Variants in MCC observed in about 807,000 individuals in gnomAD.
MCC encodes the protein MCC regulator of Wnt signaling pathway.
Under a neutral mutation model 116.2 loss-of-function variants are expected in MCC, and 90 were observed. That is an observed-to-expected ratio of 0.77 (90% CI 0.65 to 0.92). The LOEUF (loss-of-function observed/expected upper bound fraction) is 0.92. Among genes scored for constraint, MCC ranks in the 40% least tolerant of loss-of-function variants. The probability of loss-of-function intolerance (pLI) is 0.00; values close to 1 mark genes in which losing one functional copy is unlikely to be tolerated. For missense variants in MCC, 1,516 were observed against 1,312.2 expected (o/e 1.16, Z -2.40); for synonymous variants, 578 against 510.5 (o/e 1.13, Z -1.78).
At chr5:113,452,622 C>T (rs1771432303) in intron 1 of MCC, among the ~76,000 whole-genome samples, 1 of 152,176 alleles carries the variant, frequency 6.6e-6, no homozygotes, top group Non-Finnish European at 1.5e-5. Flanking sequence ...TTATAAGCTA[C>T]CTGATTTATG....
chr5:113,205,910 A>T (rs980599740), intron 3 of MCC, among the ~76,000 whole-genome samples: 4 of 152,174 alleles, frequency 2.6e-5, no homozygotes, highest in African/African-American at 9.7e-5. Flanking sequence ...ATTTCTATAG[A>T]AGGCTCCTGA....
intron 5 of MCC, among the ~76,000 whole-genome samples, chr5:113,130,716 C>T (rs1758374986): frequency 6.6e-6 from 1 of 152,102 alleles, no homozygotes; most frequent in African/African-American, 2.4e-5. Flanking sequence ...GGCACATCAT[C>T]CCTCTCAGGC....
intron 1 of MCC, among the ~76,000 whole-genome samples, chr5:113,459,131 ATATGTGTGTG>A (rs1193038060): frequency 5.0e-4 from 32 of 64,002 alleles, no homozygotes; most frequent in Non-Finnish European, 3.1e-5. Context: ...AGGAGTAAGG[ATATGTGTGTG>A]TGTGTGTGTG....
At chr5:113,050,645 C>G (rs1338627308) in intron 15 of MCC, among the ~76,000 whole-genome samples, 1 of 152,224 alleles carries the variant, frequency 6.6e-6, no homozygotes, top group Non-Finnish European at 1.5e-5. Context: ...CCATTGGAAG[C>G]AGGATTCTGA....
At chr5:113,327,746 C>T (rs1033810015) in intron 3 of MCC, among the ~76,000 whole-genome samples, 3 of 150,404 alleles carry the variant, frequency 2.0e-5, no homozygotes, top group Non-Finnish European at 4.4e-5. Flanking sequence ...GAGCAGCTGA[C>T]ATTTGGGCTT....
intron 3 of MCC, among the ~76,000 whole-genome samples, chr5:113,152,785 G>C (rs1335420373): frequency 3.9e-5 from 6 of 152,016 alleles, no homozygotes; most frequent in African/African-American, 1.5e-4. Flanking sequence ...TCACTTAATC[G>C]CATCGGAGCA....
At chr5:113,029,894 C>T (rs1386273705) in intron 17 of MCC, among the ~76,000 whole-genome samples, 3 of 152,216 alleles carry the variant, frequency 2.0e-5, no homozygotes, top group Non-Finnish European at 4.4e-5. Flanking sequence ...CCATGACGCT[C>T]CCCCATGGTC....
At chr5:113,317,084 C>A (rs559210774) in intron 3 of MCC, among the ~76,000 whole-genome samples, 1 of 152,014 alleles carries the variant, frequency 6.6e-6, no homozygotes, top group African/African-American at 2.4e-5. Flanking sequence ...TGGGGACTAC[C>A]GAAAAGAAAT....
At chr5:113,257,990 C>T (rs1765083587) in intron 3 of MCC, among the ~76,000 whole-genome samples, 1 of 152,098 alleles carries the variant, frequency 6.6e-6, no homozygotes, top group Non-Finnish European at 1.5e-5. Context: ...AATGGCTCTC[C>T]ATAAAGCAGG....
intron 3 of MCC, among the ~76,000 whole-genome samples, chr5:113,177,192 A>G (rs1474753565): frequency 2.6e-5 from 4 of 151,952 alleles, no homozygotes; most frequent in Admixed American, 2.0e-4. Flanking sequence ...TAAAGCTTCT[A>G]ACACACTCTT....
chr5:113,198,703 C>T (rs1418020871), intron 3 of MCC, among the ~76,000 whole-genome samples: 42 of 128,874 alleles, frequency 3.3e-4, no homozygotes, highest in Non-Finnish European at 1.6e-5. Context: ...AACACCCCCA[C>T]CTCAAAAAAA....
chr5:113,440,538 A>G (rs1163492725), intron 1 of MCC, among the ~76,000 whole-genome samples: 2 of 152,256 alleles, frequency 1.3e-5, no homozygotes, highest in East Asian at 3.9e-4. Context: ...TAGGTACTCA[A>G]TAGATATTTA....
chr5:113,122,478 G>A (rs532940428), intron 6 of MCC, among the ~76,000 whole-genome samples: 2 of 152,208 alleles, frequency 1.3e-5, no homozygotes, highest in Non-Finnish European at 2.9e-5. Context: ...ACTTATGTTT[G>A]AATCACAATT....
chr5:113,427,397 C>T (rs1479655841), intron 1 of MCC, among the ~76,000 whole-genome samples: 2 of 152,140 alleles, frequency 1.3e-5, no homozygotes, highest in African/African-American at 2.4e-5. Flanking sequence ...ATGGAAGAAA[C>T]ATACTGTTGA....
intron 1 of MCC, among the ~76,000 whole-genome samples, chr5:113,469,040 AT>A (rs1772000429): frequency 6.6e-6 from 1 of 151,980 alleles, no homozygotes; most frequent in African/African-American, 2.4e-5. Context: ...CCCCTTTAAC[AT>A]TTTTTATTGT....
At chr5:113,456,768 G>C (rs1771563334) in intron 1 of MCC, among the ~76,000 whole-genome samples, 1 of 147,528 alleles carries the variant, frequency 6.8e-6, no homozygotes, top group African/African-American at 2.6e-5. Context: ...ACTGCGCCCG[G>C]CCAATGAGCA....
intron 1 of MCC, chr5:113,432,843 A>T (rs1203440263): frequency 6.6e-6 from 1 of 152,240 alleles, no homozygotes; most frequent in Non-Finnish European, 1.5e-5. Context: ...ATCAATTACA[A>T]GGAGAATGAT....
intron 3 of MCC, among the ~76,000 whole-genome samples, chr5:113,173,598 T>G (rs1449721022): frequency 6.6e-6 from 1 of 152,230 alleles, no homozygotes; most frequent in Non-Finnish European, 1.5e-5. Context: ...TGTAATCATG[T>G]GCATGACTGA....
intron 1 of MCC, among the ~76,000 whole-genome samples, chr5:113,486,075 C>T (rs348953): frequency 0.37 from 55,741 of 152,054 alleles, 12,792 homozygotes; most frequent in East Asian, 0.67. Context: ...ACCACATAAA[C>T]GTAAATTCCA....
Sources: gnomAD v4.1 joint callset for allele counts (sites outside exome capture counted in the v4.1 genomes callset) on GRCh38, gnomAD v4.1.1 for gene constraint, MANE v1.5 for transcripts, NCBI Gene and HGNC (gene_info 2026-07-23, HGNC 2026-07-21) for gene names.